The following FGF13 variants were observed in gnomAD, a reference collection of about 807,000 sequenced individuals.
FGF13 encodes fibroblast growth factor 13.
Under a neutral mutation model 19.5 loss-of-function variants are expected in FGF13, and 2 were observed. The ratio of observed to expected loss-of-function variants is 0.10; its 90% confidence interval spans 0.04 to 0.32. FGF13 has a LOEUF of 0.32. FGF13 is among the 10% of genes least tolerant of loss of function. FGF13 has a pLI of 1.00. For synonymous variants in FGF13, 72 were observed against 76.9 expected, an observed-to-expected ratio of 0.94 and a Z score of 0.33; for missense variants, 113 against 192.7, an observed-to-expected ratio of 0.59 and a Z score of 2.45.
intron 1 of FGF13, among the ~76,000 whole-genome samples, chrX:139,059,255 T>C (rs1403216044): frequency 9.0e-6 from 1 of 110,795 alleles, no homozygotes; most frequent in Non-Finnish European, 1.9e-5. Flanking sequence ...TTTAAGTTCC[T>C]CTGGTTCAGC....
At chrX:139,145,103 G>C (rs1047355927) in intron 1 of FGF13, among the ~76,000 whole-genome samples, 7 of 112,000 alleles carry the variant, frequency 6.3e-5, no homozygotes, top group Admixed American at 5.7e-4. Flanking sequence ...ATGGAGGACA[G>C]CTGGATTCTT....
In FGF13 at chrX:139,024,840, C is replaced by T. The variant is rs186651140; in HGVS notation, c.-112-160190G>A. Among the ~76,000 whole-genome samples, 8 of 111,175 alleles carry T rather than the reference C, an allele frequency of 7.2e-5. No homozygotes were observed. In the East Asian group the frequency reaches 2.0e-3, roughly 28 times the overall value. On this transcript the variant is annotated intron_variant, in intron 1 of 2. Transcript: ENST00000421460. The stretch of plus-strand genomic sequence containing the variant: ...TACCCAACATTATGATCATTATTCC[C>T]GGATCATTAATCTAAAGACCTCTGG...
At chrX:138,684,002 A>G (rs991773786) in intron 3 of FGF13, among the ~76,000 whole-genome samples, 3 of 111,688 alleles carry the variant, frequency 2.7e-5, no homozygotes, top group African/African-American at 9.7e-5. Flanking sequence ...CGAGCAGGAA[A>G]TAACTGTTCA....
intron 1 of FGF13, among the ~76,000 whole-genome samples, chrX:139,103,183 G>A (rs1288050138): frequency 1.8e-5 from 2 of 112,113 alleles, no homozygotes; most frequent in Non-Finnish European, 3.8e-5. Flanking sequence ...CATAATGAGA[G>A]CTGTACTTTC....
At chrX:138,731,929 C>T (rs139577252) in intron 1 of FGF13, among the ~76,000 whole-genome samples, 2,285 of 111,528 alleles carry the variant, frequency 0.02, 36 homozygotes, top group African/African-American at 0.07. Flanking sequence ...TGGCAAAAGA[C>T]TTGAACAAAT....
intron 1 of FGF13, among the ~76,000 whole-genome samples, chrX:138,887,879 GA>G (rs1337563781): frequency 9.0e-6 from 1 of 111,447 alleles, no homozygotes; most frequent in African/African-American, 3.3e-5. Context: ...CTGCCTAATA[GA>G]ATGTCTCTCA....
At chrX:138,904,707 T>C (rs1488796779) in intron 1 of FGF13, among the ~76,000 whole-genome samples, 1 of 111,521 alleles carries the variant, frequency 9.0e-6, no homozygotes, top group East Asian at 2.8e-4. Context: ...ACTGGTAATT[T>C]TTAGAAGCCC....
chrX:138,953,816 C>T (rs1329690267), intron 1 of FGF13, among the ~76,000 whole-genome samples: 1 of 109,827 alleles, frequency 9.1e-6, no homozygotes, highest in Non-Finnish European at 1.9e-5. Flanking sequence ...CAGCTAGATA[C>T]AAAGGAGTTC....
At chrX:138,764,774 G>A (rs1200056856) in intron 3 of FGF13, among the ~76,000 whole-genome samples, 1 of 111,885 alleles carries the variant, frequency 8.9e-6, no homozygotes, top group African/African-American at 3.2e-5. Context: ...CTTTCTTAAT[G>A]CTCCAGTAGC....
intron 3 of FGF13, among the ~76,000 whole-genome samples, chrX:138,683,930 G>A (rs2089754093): frequency 9.0e-6 from 1 of 111,108 alleles, no homozygotes; most frequent in African/African-American, 3.3e-5. Flanking sequence ...GAAAGGCAGA[G>A]GAAAATAAAA....
intron 1 of FGF13, among the ~76,000 whole-genome samples, chrX:138,730,930 T>G (rs989710906): frequency 1.4e-4 from 16 of 111,182 alleles, no homozygotes; most frequent in African/African-American, 5.2e-4. Context: ...TGTATAACTA[T>G]CAGATAAGGT....
chrX:138,977,153 T>C (rs762338420), intron 1 of FGF13, among the ~76,000 whole-genome samples: 1 of 112,056 alleles, frequency 8.9e-6, no homozygotes, highest in South Asian at 3.8e-4. Flanking sequence ...TGATGAACAC[T>C]GGCCCAAAGC....
chrX:138,802,557 C>A (rs951571262), intron 3 of FGF13, among the ~76,000 whole-genome samples: 1 of 111,690 alleles, frequency 9.0e-6, no homozygotes, highest in East Asian at 2.8e-4. Flanking sequence ...GCCAGATGTC[C>A]TAAAAGGAAC....
At chrX:138,815,967 C>T (rs1049136025) in intron 3 of FGF13, among the ~76,000 whole-genome samples, 1 of 110,378 alleles carries the variant, frequency 9.1e-6, no homozygotes, top group East Asian at 2.8e-4. Context: ...AATCTGACTA[C>T]ATAGCAACAA....
chrX:138,906,796 T>C (rs2091560949), intron 1 of FGF13, among the ~76,000 whole-genome samples: 1 of 110,860 alleles, frequency 9.0e-6, no homozygotes, highest in Non-Finnish European at 1.9e-5. Flanking sequence ...GAGTCCTATA[T>C]CTCCTTTCCC....
At chrX:139,011,551 T>G (rs2092128747) in intron 1 of FGF13, among the ~76,000 whole-genome samples, 1 of 111,381 alleles carries the variant, frequency 9.0e-6, no homozygotes, top group South Asian at 3.7e-4. Flanking sequence ...AGTCAACAGA[T>G]GTTACACACC....
intron 1 of FGF13, among the ~76,000 whole-genome samples, chrX:139,035,621 G>A (rs1421935656): frequency 4.5e-5 from 5 of 111,189 alleles, no homozygotes. Context: ...GGGACATTCT[G>A]GACAATGCTC....
Position 138,878,648 on chromosome X carries a change from A to G in FGF13, c.-112-13998T>C, listed in dbSNP as rs1468089550. Among the ~76,000 whole-genome samples, 6 of 108,166 alleles carry G rather than the reference A, an allele frequency of 5.5e-5. 1 individual carries two copies. The highest frequency in any genetic ancestry group is 8.7e-3 in the Middle Eastern group (2 of 231). The allele number at this position is 108,166 out of a possible 115,157, so 93.9% of individuals were successfully genotyped here. Reference sequence around the variant, plus strand: ...TGTCTTTATAGCAGCATGATTTATAATCCTTTGGGTATATACCCAGTAATG... The same window carrying G: ...TGTCTTTATAGCAGCATGATTTATAGTCCTTTGGGTATATACCCAGTAATG... On this transcript the variant is annotated intron_variant, in intron 1 of 2. Coordinates refer to the FGF13 transcript ENST00000421460.
chrX:138,890,962 C>G (rs1024362544), intron 1 of FGF13, among the ~76,000 whole-genome samples: 1 of 111,998 alleles, frequency 8.9e-6, no homozygotes, highest in Non-Finnish European at 1.9e-5. Flanking sequence ...TTAGCTGGAG[C>G]TGCTATAATA....
Sources: gnomAD v4.1 joint callset for allele counts (sites outside exome capture counted in the v4.1 genomes callset) on GRCh38, gnomAD v4.1.1 for gene constraint, MANE v1.5 for transcripts, NCBI Gene and HGNC (gene_info 2026-07-23, HGNC 2026-07-21) for gene names.